ANKRD55: variants seen among roughly 807,000 people sequenced by gnomAD.
ANKRD55 encodes ankyrin repeat domain-containing protein 55.
ANKRD55 carries 41 observed loss-of-function variants against 60.6 expected under a neutral mutation model. The ratio of observed to expected loss-of-function variants is 0.68; its 90% confidence interval spans 0.53 to 0.88. ANKRD55 has a LOEUF of 0.88. Among genes scored for constraint, ANKRD55 ranks in the 40% least tolerant of loss-of-function variants. The pLI, the probability that ANKRD55 is intolerant of heterozygous loss-of-function variation, is 0.00. For synonymous variants in ANKRD55, 264 were observed against 290.3 expected (o/e 0.91, Z 0.92); for missense variants, 732 against 767.6 (o/e 0.95, Z 0.55).
At chr5:56,194,391 T>G (rs1227892690) in intron 2 of ANKRD55, among the ~76,000 whole-genome samples, 3 of 151,460 alleles carry the variant, frequency 2.0e-5, no homozygotes, top group African/African-American at 7.3e-5. Flanking sequence ...AAGAGTTGAG[T>G]TTATATTTGC....
At chr5:56,150,281 G>A (rs1580982980) in intron 6 of ANKRD55, among the ~76,000 whole-genome samples, 1 of 152,238 alleles carries the variant, frequency 6.6e-6, no homozygotes, top group East Asian at 1.9e-4. Context: ...AGTGATTGCA[G>A]ATCACTACAT....
rs1561263672 is a variant in ANKRD55, at chr5:56,135,243, CTT to C, written c.613-8139_613-8138del. Among the ~76,000 whole-genome samples, 62 of 84,460 alleles carry C rather than the reference CTT, an allele frequency of 7.3e-4. 1 individual carries two copies. The highest frequency in any genetic ancestry group is 5.3e-3 in the South Asian group (15 of 2,826). The allele number at this position is 84,460 out of a possible 152,430, so 55.4% of individuals were successfully genotyped here. A position where few individuals can be genotyped will look rare whatever the true frequency, so the allele number is the denominator to read the frequency against. ...CCTTCCTTCCTTCCTTCCTTCCTTC[CTT>C]CCTTCCTTCCTTCCTTCTTTCCCTC... On this transcript the variant is annotated intron_variant, in intron 7 of 11. Coordinates refer to ENST00000341048, the MANE Select transcript of ANKRD55 (RefSeq NM_024669.3).
intron 8 of ANKRD55, among the ~76,000 whole-genome samples, chr5:56,123,522 C>A (rs750575133): frequency 7.2e-5 from 11 of 152,090 alleles, no homozygotes; most frequent in Non-Finnish European, 1.3e-4. Flanking sequence ...TGAGAGAGGT[C>A]TCCAGGAGAC....
At position 56,106,420 on chromosome 5, in the gene ANKRD55, C is replaced by CTTTTTTTTTT. The variant is rs71602938; in HGVS notation, c.1631-3844_1631-3835dup. Among the ~76,000 whole-genome samples, 10 of 96,918 alleles carry CTTTTTTTTTT rather than the reference C, an allele frequency of 1.0e-4. 1 individual carries two copies. Among genetic ancestry groups the CTTTTTTTTTT allele is most frequent in the African/African-American group, 4.1e-4 (7 of 17,138 alleles). The allele number at this position is 96,918 out of a possible 152,430, so 63.6% of individuals were successfully genotyped here. A position where few individuals can be genotyped will look rare whatever the true frequency, so the allele number is the denominator to read the frequency against. ...AATAAAATCCGTAAGGCTAGGAAAG[C>CTTTTTTTTTT]TTTTTTTTTTTTTTTTTTTTTTTGA... On this transcript the variant is annotated intron_variant, in intron 10 of 11. Transcript: ENST00000341048.
At chr5:56,229,986 CT>C (rs1173554695) in intron 2 of ANKRD55, among the ~76,000 whole-genome samples, 2 of 152,338 alleles carry the variant, frequency 1.3e-5, no homozygotes, top group African/African-American at 4.8e-5. Flanking sequence ...TGCATCTTTG[CT>C]GTCCATGAGA....
Position 56,133,438 on chromosome 5 carries a change from CA to C in ANKRD55, c.613-6333del, listed in dbSNP as rs56100693. 6.4e-3 allele frequency among the ~76,000 whole-genome samples: 378 copies of C among 59,454 alleles called. 50 individuals carry two copies. Among genetic ancestry groups the C allele is most frequent in the African/African-American group, 0.019 (350 of 18,640 alleles). The allele number at this position is 59,454 out of a possible 152,430, so 39.0% of individuals were successfully genotyped here. On this transcript the variant is annotated intron_variant, in intron 7 of 11. Transcript: ENST00000341048. ...TGGGTGACAGAGGAAGACTCCGTCT[CA>C]AAAAAAAAAAAAAACAATTAATTAA...
chr5:56,168,786 T>C (rs911363311), intron 5 of ANKRD55, among the ~76,000 whole-genome samples: 1 of 152,210 alleles, frequency 6.6e-6, no homozygotes, highest in African/African-American at 2.4e-5. Flanking sequence ...TGGAAGAAGC[T>C]TGGGTCCCTG....
In ANKRD55 at chr5:56,127,052, TG is replaced by T; in HGVS notation, c.666del (p.Ile223Ter). The T allele has an allele frequency of 6.2e-7, 1 of 1,613,890 alleles. No homozygotes were observed. Among genetic ancestry groups the T allele is most frequent in the Non-Finnish European group, 8.5e-7 (1 of 1,179,886 alleles). ...CCACTCTCATCATCATAGTTGATTA[TG>T]GACGGCCCCTGGTGATGGCTCAGAA... ...SIILSHHQGP[S>X]IINYDDESGK... On this transcript the variant is annotated frameshift_variant, in exon 8 of 12. Coordinates refer to ENST00000341048, the MANE Select transcript of ANKRD55 (RefSeq NM_024669.3). LOFTEE classifies it high-confidence loss of function.
At chr5:56,121,447 A>C (rs550331747) in intron 8 of ANKRD55, among the ~76,000 whole-genome samples, 4 of 144,752 alleles carry the variant, frequency 2.8e-5, no homozygotes, top group East Asian at 2.0e-4. Flanking sequence ...ATCTCGGCTC[A>C]CTGCAACCTC....
intron 2 of ANKRD55, among the ~76,000 whole-genome samples, chr5:56,229,214 T>C (rs192948427): frequency 3.8e-4 from 58 of 151,470 alleles, no homozygotes; most frequent in Admixed American, 3.4e-3. Context: ...AGTTACATAA[T>C]ATGTAGACTT....
At chr5:56,126,825 A>C in intron 8 of ANKRD55, 97 bp downstream of exon 8, 1 of 1,333,898 alleles carries the variant, frequency 7.5e-7, no homozygotes, top group South Asian at 1.6e-5. Flanking sequence ...ATAGGGATAT[A>C]GCTGTATAGG....
chr5:56,152,664 G>A (rs2111778536), intron 6 of ANKRD55, among the ~76,000 whole-genome samples: 1 of 152,250 alleles, frequency 6.6e-6, no homozygotes, highest in South Asian at 2.1e-4. Flanking sequence ...AAGCACAAAG[G>A]ACAATCTGAC....
At chr5:56,167,609 G>C (rs1758514735) in intron 5 of ANKRD55, among the ~76,000 whole-genome samples, 1 of 152,186 alleles carries the variant, frequency 6.6e-6, no homozygotes, top group African/African-American at 2.4e-5. Context: ...CATAACTAAA[G>C]CAGAATTTTA....
At chr5:56,191,240 A>C (rs1472799600) in intron 2 of ANKRD55, among the ~76,000 whole-genome samples, 1 of 152,220 alleles carries the variant, frequency 6.6e-6, no homozygotes, top group Non-Finnish European at 1.5e-5. Context: ...ATTTCTGTAG[A>C]AAACATCATT....
At chr5:56,197,825 CA>C (rs1473503453) in intron 2 of ANKRD55, among the ~76,000 whole-genome samples, 8 of 152,132 alleles carry the variant, frequency 5.3e-5, no homozygotes, top group African/African-American at 9.7e-5. Context: ...TGGATTTGAG[CA>C]TTAAATTTGC....
chr5:56,198,862 G>A (rs370900566), intron 2 of ANKRD55, among the ~76,000 whole-genome samples: 133 of 151,782 alleles, frequency 8.8e-4, no homozygotes, highest in Middle Eastern at 3.4e-3. Context: ...GGCGGATCAC[G>A]AGGTCAGGAG....
intron 2 of ANKRD55, among the ~76,000 whole-genome samples, chr5:56,188,589 G>A (rs1408096819): frequency 6.6e-6 from 1 of 152,158 alleles, no homozygotes; most frequent in Non-Finnish European, 1.5e-5. Flanking sequence ...TTTCCCAAAT[G>A]TATGTCTTGG....
At chr5:56,107,758 TAC>T in intron 10 of ANKRD55, among the ~76,000 whole-genome samples, 1 of 152,238 alleles carries the variant, frequency 6.6e-6, no homozygotes, top group Middle Eastern at 3.4e-3. Flanking sequence ...AGAGAAGCCA[TAC>T]ATTAGGTGAC....
intron 2 of ANKRD55, among the ~76,000 whole-genome samples, chr5:56,201,948 G>A (rs1276543207): frequency 1.3e-5 from 2 of 152,196 alleles, no homozygotes; most frequent in Non-Finnish European, 2.9e-5. Context: ...TATGCACCAT[G>A]GAATACTATG....
Sources: allele counts gnomAD v4.1 joint callset (sites outside exome capture counted in the v4.1 genomes callset), GRCh38; gene constraint gnomAD v4.1.1; transcripts MANE v1.5; gene names NCBI Gene and HGNC (gene_info 2026-07-23, HGNC 2026-07-21).